Variants in ADAM18 observed in about 807,000 individuals in gnomAD.
ADAM18 encodes the protein disintegrin and metalloproteinase domain-containing protein 18.
In ADAM18, 117 loss-of-function variants were observed where a neutral mutation model predicts 94.4. The observed-to-expected ratio is 1.24, with a 90% CI of 1.07 to 1.45. The LOEUF is 1.45. Ranked by LOEUF, ADAM18 falls within the 40% of genes most tolerant of loss-of-function variation. The probability of loss-of-function intolerance (pLI) is 0.00; values close to 1 mark genes in which losing one functional copy is unlikely to be tolerated. For synonymous variants in ADAM18, 327 were observed against 291.6 expected (o/e 1.12, Z -1.24); for missense variants, 936 against 880.0 (o/e 1.06, Z -0.81).
At chr8:39,637,032 T>TAC (rs1422071565) in intron 7 of ADAM18, among the ~76,000 whole-genome samples, 14 of 89,692 alleles carry the variant, frequency 1.6e-4, no homozygotes, top group African/African-American at 4.3e-4. Flanking sequence ...TATATATATA[T>TAC]ATATATATAT....
intron 6 of ADAM18, among the ~76,000 whole-genome samples, chr8:39,615,784 G>A (rs1252962645): frequency 2.0e-5 from 3 of 152,248 alleles, no homozygotes; most frequent in East Asian, 3.9e-4. Flanking sequence ...CTTCATGGAT[G>A]ATATGATTTT....
intron 14 of ADAM18, among the ~76,000 whole-genome samples, chr8:39,676,528 C>G (rs769912556): frequency 6.6e-6 from 1 of 152,144 alleles, no homozygotes; most frequent in Admixed American, 6.5e-5. Flanking sequence ...TAGGAGTGCC[C>G]CATTTTTCCA....
At chr8:39,599,312 A>G (rs978921350) in intron 2 of ADAM18, among the ~76,000 whole-genome samples, 1 of 152,220 alleles carries the variant, frequency 6.6e-6, no homozygotes. Flanking sequence ...AAAAATAATT[A>G]TTTTATACAC....
chr8:39,638,858 C>T (rs1820159497), intron 10 of ADAM18, among the ~76,000 whole-genome samples: 1 of 151,842 alleles, frequency 6.6e-6, no homozygotes, highest in African/African-American at 2.4e-5. Flanking sequence ...GCCTCCTGCA[C>T]ATTTCCTCCA....
chr8:39,677,372 T>A (rs2129580470), intron 14 of ADAM18, 59 bp from the exon 15 acceptor site: 1 of 1,368,500 alleles, frequency 7.3e-7, no homozygotes, highest in South Asian at 1.3e-5. Flanking sequence ...AGTCTGTTAC[T>A]GACAAACATT....
intron 11 of ADAM18, among the ~76,000 whole-genome samples, chr8:39,645,734 G>A (rs899838345): frequency 6.6e-6 from 1 of 151,932 alleles, no homozygotes; most frequent in Admixed American, 6.6e-5. Flanking sequence ...TTTAAGCAGA[G>A]GTTTCAAAAC....
chr8:39,705,628 C>G (rs1321081560), intron 17 of ADAM18, among the ~76,000 whole-genome samples: 2 of 152,122 alleles, frequency 1.3e-5, no homozygotes, highest in African/African-American at 4.8e-5. Flanking sequence ...ACAACAAAAA[C>G]ATGGATATAT....
intron 14 of ADAM18, among the ~76,000 whole-genome samples, chr8:39,673,027 G>T (rs1346712068): frequency 6.6e-6 from 1 of 152,096 alleles, no homozygotes; most frequent in Non-Finnish European, 1.5e-5. Flanking sequence ...TCCCTCAGTG[G>T]GGCTTTAATG....
At chr8:39,713,072 G>A (rs1822463881) in intron 18 of ADAM18, among the ~76,000 whole-genome samples, 1 of 152,110 alleles carries the variant, frequency 6.6e-6, no homozygotes, top group Admixed American at 6.5e-5. Context: ...AAAGAGCATG[G>A]TACTGGTACC....
intron 15 of ADAM18, among the ~76,000 whole-genome samples, chr8:39,678,064 G>T (rs1054829105): frequency 2.6e-5 from 4 of 152,146 alleles, no homozygotes; most frequent in African/African-American, 9.7e-5. Flanking sequence ...TAAAGGAAGT[G>T]CCTACCCTGT....
chr8:39,714,829 T>C (rs1822525047), intron 18 of ADAM18, among the ~76,000 whole-genome samples: 1 of 152,070 alleles, frequency 6.6e-6, no homozygotes, highest in Non-Finnish European at 1.5e-5. Context: ...AATATTATAA[T>C]GAAACATTGT....
At chr8:39,647,414 C>T (rs1382131433) in intron 11 of ADAM18, among the ~76,000 whole-genome samples, 1 of 152,184 alleles carries the variant, frequency 6.6e-6, no homozygotes, top group Non-Finnish European at 1.5e-5. Flanking sequence ...CGCCATAGGG[C>T]GGTTTTTCTC....
At position 39,723,778 on chromosome 8, in the gene ADAM18, C is replaced by A; in HGVS notation, c.2048C>A (p.Thr683Lys). Residue 683 changes from threonine to lysine, a missense_variant, in exon 19 of 20, where the codon ACA (threonine) becomes AAA (lysine). Physicochemically the swap from Thr to Lys is moderately conservative, Grantham distance 78. Transcript: ENST00000265707. ...TTTTATACTGAAAAAGGCTACAATA[C>A]ACACTGGAACAACTGGTTTATTCTG... ...GDFYTEKGYN[T>K]HWNNWFILSF... 1.3e-6 allele frequency: 2 copies of A among 1,573,128 alleles called. No homozygotes were observed. The highest frequency in any genetic ancestry group is 1.7e-6 in the Non-Finnish European group (2 of 1,161,058).
chr8:39,613,831 C>T (rs556295513), intron 6 of ADAM18, among the ~76,000 whole-genome samples: 1 of 152,148 alleles, frequency 6.6e-6, no homozygotes, highest in African/African-American at 2.4e-5. Context: ...TTTCATAGTA[C>T]AATCAGAAGT....
At chr8:39,728,701 G>A (rs1221860271) in intron 19 of ADAM18, among the ~76,000 whole-genome samples, 1 of 152,100 alleles carries the variant, frequency 6.6e-6, no homozygotes, top group Admixed American at 6.5e-5. Context: ...ATTATTGTTT[G>A]TAAGTCAAAC....
At chr8:39,616,771 T>C (rs1585902354) in intron 6 of ADAM18, among the ~76,000 whole-genome samples, 1 of 152,070 alleles carries the variant, frequency 6.6e-6, no homozygotes, top group Non-Finnish European at 1.5e-5. Flanking sequence ...ACTGGGAAAA[T>C]AATTTCTATT....
chr8:39,616,084 C>A (rs543420079), intron 6 of ADAM18, among the ~76,000 whole-genome samples: 2 of 151,906 alleles, frequency 1.3e-5, no homozygotes, highest in East Asian at 3.9e-4. Context: ...ATATTTTATG[C>A]CCATGGTTAG....
rs113165886 is a variant in ADAM18 at position 39,670,919 on chromosome 8, C to A, written c.1525+2723C>A. On this transcript the variant is annotated intron_variant, in intron 14 of 19. Transcript: ENST00000265707. ...GGTGGGGGTTTTATACAAAAGTCTG[C>A]CTCTTTTGGCCCAATCAAACACACA... is the stretch of plus-strand genomic sequence containing the variant. Among the ~76,000 whole-genome samples the A allele has an allele frequency of 4.7e-4, 72 of 152,304 alleles. 1 individual carries two copies. Among genetic ancestry groups the A allele is most frequent in the African/African-American group, 1.7e-3 (70 of 41,562 alleles).
chr8:39,652,309 G>A (rs976749203), intron 12 of ADAM18, among the ~76,000 whole-genome samples: 2 of 152,080 alleles, frequency 1.3e-5, no homozygotes, highest in Admixed American at 6.6e-5. Flanking sequence ...TCTGATAAAA[G>A]GTTAATATAA....
Sources: gnomAD v4.1 joint callset for allele counts (sites outside exome capture counted in the v4.1 genomes callset) on GRCh38, gnomAD v4.1.1 for gene constraint, MANE v1.5 for transcripts, NCBI Gene and HGNC (gene_info 2026-07-23, HGNC 2026-07-21) for gene names.